SOX6: variants seen among roughly 807,000 people sequenced by gnomAD.
SOX6 encodes the protein SRY-box transcription factor 6, also known as transcription factor SOX-6.
SOX6 carries 11 observed loss-of-function variants against 97.8 expected under a neutral mutation model. The observed-to-expected ratio is 0.11, with a 90% confidence interval of 0.07 to 0.19. The LOEUF (loss-of-function observed/expected upper bound fraction) is 0.19. SOX6 is among the 10% of genes least tolerant of loss of function. The pLI is 1.00. For missense variants in SOX6, 810 were observed against 1,039.5 expected, an observed-to-expected ratio of 0.78 and a Z score of 3.04; for synonymous variants, 360 against 371.4, an observed-to-expected ratio of 0.97 and a Z score of 0.35.
intron 6 of SOX6, among the ~76,000 whole-genome samples, chr11:16,121,944 T>C (rs1849504315): frequency 6.6e-6 from 1 of 152,056 alleles, no homozygotes; most frequent in African/African-American, 2.4e-5. Context: ...TGTTAAGGTC[T>C]AGTAGTATGT....
intron 2 of SOX6, among the ~76,000 whole-genome samples, chr11:16,730,008 CAAG>C (rs1252532000): frequency 1.4e-5 from 2 of 143,546 alleles, no homozygotes; most frequent in African/African-American, 5.2e-5. Context: ...ATCAATGCAA[CAAG>C]AAGAGCTAAC....
intron 3 of SOX6, among the ~76,000 whole-genome samples, chr11:16,309,453 C>T (rs542696497): frequency 1.3e-4 from 20 of 152,140 alleles, no homozygotes; most frequent in Non-Finnish European, 2.8e-4. Flanking sequence ...AGTTTGAAAA[C>T]AAGGCTAAAC....
chr11:16,498,474 T>C (rs1368623738), intron 4 of SOX6, among the ~76,000 whole-genome samples: 1 of 151,974 alleles, frequency 6.6e-6, no homozygotes, highest in Non-Finnish European at 1.5e-5. Flanking sequence ...ACCTTAAGTG[T>C]AAATGGGCTA....
intron 9 of SOX6, among the ~76,000 whole-genome samples, chr11:16,073,189 C>T (rs1433574886): frequency 6.6e-6 from 1 of 152,012 alleles, no homozygotes; most frequent in Admixed American, 6.6e-5. Context: ...TATGAGCTGT[C>T]TACAGAGACT....
chr11:16,217,263 C>G (rs1346131660), intron 4 of SOX6, among the ~76,000 whole-genome samples: 1 of 152,132 alleles, frequency 6.6e-6, no homozygotes, highest in African/African-American at 2.4e-5. Context: ...ACTTTACTGT[C>G]TCTTGACATC....
At chr11:16,072,823 A>ATTTCATATTCAGACAAACTAAGC (rs1848256887) in intron 9 of SOX6, among the ~76,000 whole-genome samples, 1 of 152,202 alleles carries the variant, frequency 6.6e-6, no homozygotes, top group East Asian at 1.9e-4. Context: ...CTCACCATGA[A>ATTTCATATTCAGACAAACTAAGC]TTTCATATTC....
intron 1 of SOX6, among the ~76,000 whole-genome samples, chr11:16,354,906 T>A (rs1425691441): frequency 1.3e-5 from 2 of 152,160 alleles, no homozygotes; most frequent in Non-Finnish European, 2.9e-5. Flanking sequence ...AATTTTTTTT[T>A]ATTTCTAAAT....
intron 13 of SOX6, among the ~76,000 whole-genome samples, chr11:15,993,597 G>A (rs1854124188): frequency 6.6e-6 from 1 of 152,152 alleles, no homozygotes; most frequent in South Asian, 2.1e-4. Context: ...TAGGCTTCAA[G>A]GGAAAGCAAG....
intron 1 of SOX6, among the ~76,000 whole-genome samples, chr11:16,435,320 G>C (rs1260206618): frequency 6.6e-6 from 1 of 151,928 alleles, no homozygotes; most frequent in African/African-American, 2.4e-5. Context: ...ATTTTTAATT[G>C]GTTCTATATC....
At position 16,163,171 on chromosome 11, in the gene SOX6, C is replaced by T. The variant is rs111770813; in HGVS notation, c.777+20715G>A. ...AAAATATCTCATACAGAGAACATTA[C>T]ATGTTGTAAGACAAGTCTCATTTAA... On this transcript the variant is annotated intron_variant, in intron 6 of 15. Coordinates refer to ENST00000683767, the MANE Select transcript of SOX6 (RefSeq NM_001367873.1). Among the ~76,000 whole-genome samples the T allele has an allele frequency of 4.8e-3, 731 of 152,202 alleles. 3 individuals are homozygous for T. The highest frequency in any genetic ancestry group is 7.6e-3 in the Non-Finnish European group (515 of 68,000).
chr11:16,635,798 G>A (rs1848777636), intron 3 of SOX6, among the ~76,000 whole-genome samples: 1 of 152,182 alleles, frequency 6.6e-6, no homozygotes, highest in Non-Finnish European at 1.5e-5. Flanking sequence ...TCCAGCTGTG[G>A]CTAAAAGGAG....
chr11:16,135,758 T>C (rs988874821), intron 6 of SOX6, among the ~76,000 whole-genome samples: 1 of 152,230 alleles, frequency 6.6e-6, no homozygotes, highest in African/African-American at 2.4e-5. Flanking sequence ...GTTTAGAATA[T>C]TACATAAACT....
In SOX6 at chr11:16,243,340, C is replaced by T. The variant is rs968989844; in HGVS notation, c.446-8669G>A. ...TCAAGTTTATACCACAATACGATAA[C>T]TACATATTAAGTTTCTTGATGGTCA... On this transcript the variant is annotated intron_variant, in intron 3 of 15. Transcript: ENST00000683767. Among the ~76,000 whole-genome samples, 5 of 152,020 alleles carry T rather than the reference C, an allele frequency of 3.3e-5. No homozygotes were observed. In the East Asian group the frequency reaches 9.7e-4, roughly 29 times the overall value.
chr11:16,246,617 T>C (rs1478537527), intron 3 of SOX6, among the ~76,000 whole-genome samples: 1 of 152,036 alleles, frequency 6.6e-6, no homozygotes, highest in East Asian at 1.9e-4. Flanking sequence ...TTTGCTCCAC[T>C]GTATATAACA....
chr11:16,041,536 C>T (rs1419457390), intron 12 of SOX6, among the ~76,000 whole-genome samples: 1 of 151,884 alleles, frequency 6.6e-6, no homozygotes, highest in African/African-American at 2.4e-5. Context: ...TACAATGTGC[C>T]CCAATGATTA....
At chr11:16,259,982 C>T (rs947395182) in intron 3 of SOX6, among the ~76,000 whole-genome samples, 12 of 116,634 alleles carry the variant, frequency 1.0e-4, no homozygotes, top group African/African-American at 4.3e-4. Context: ...TGTATATATA[C>T]ACATATACAT....
intron 6 of SOX6, among the ~76,000 whole-genome samples, chr11:16,156,562 T>C (rs1004436120): frequency 6.6e-6 from 1 of 151,962 alleles, no homozygotes; most frequent in Admixed American, 6.6e-5. Context: ...AAAACCCTTC[T>C]TCTCACCCAG....
At chr11:15,975,642 A>G (rs576416114) in intron 15 of SOX6, among the ~76,000 whole-genome samples, 1 of 152,292 alleles carries the variant, frequency 6.6e-6, no homozygotes, top group African/African-American at 2.4e-5. Context: ...TTGAATCCTC[A>G]TAATAAGCCT....
intron 3 of SOX6, among the ~76,000 whole-genome samples, chr11:16,258,340 CT>C (rs1853759704): frequency 7.3e-6 from 1 of 136,796 alleles, no homozygotes; most frequent in South Asian, 2.5e-4. Context: ...GATAAATAAA[CT>C]GTGGTACATC....
Sources: allele counts gnomAD v4.1 joint callset (sites outside exome capture counted in the v4.1 genomes callset), GRCh38; gene constraint gnomAD v4.1.1; transcripts MANE v1.5; gene names NCBI Gene and HGNC (gene_info 2026-07-23, HGNC 2026-07-21).